Variants in CCR5AS observed in about 807,000 individuals in gnomAD.
CCR5AS encodes CCR5 antisense RNA.
chr3:46,372,934 A>C, intron 2 of CCR5AS: 1 of 1,602,840 alleles, frequency 6.2e-7, no homozygotes, highest in South Asian at 1.1e-5. Context: ...CCAATCTATG[A>C]CATCAATTAT....
chr3:46,376,474 G>T (rs893405808), intron 2 of CCR5AS, among the ~76,000 whole-genome samples: 2 of 152,122 alleles, frequency 1.3e-5, no homozygotes, highest in Non-Finnish European at 2.9e-5. Flanking sequence ...CAATTGACTT[G>T]AAAACTTTTA....
chr3:46,380,069 T>C (rs915139945), intron 2 of CCR5AS, among the ~76,000 whole-genome samples: 2 of 152,104 alleles, frequency 1.3e-5, no homozygotes, highest in Non-Finnish European at 2.9e-5. Flanking sequence ...ATTGGCACTT[T>C]CATAGGCAGA....
At chr3:46,395,592 T>G (rs567824740) in intron 1 of CCR5AS, among the ~76,000 whole-genome samples, 1 of 152,154 alleles carries the variant, frequency 6.6e-6, no homozygotes, top group East Asian at 1.9e-4. Context: ...TGTGATGCAA[T>G]CGGAATGCAG....
intron 2 of CCR5AS, among the ~76,000 whole-genome samples, chr3:46,388,359 G>T (rs1481936876): frequency 6.6e-6 from 1 of 152,172 alleles, no homozygotes; most frequent in African/African-American, 2.4e-5. Context: ...TTCTCATATA[G>T]AATGATTGGT....
At chr3:46,403,590 C>G (rs1702019987) in intron 1 of CCR5AS, among the ~76,000 whole-genome samples, 1 of 152,202 alleles carries the variant, frequency 6.6e-6, no homozygotes, top group East Asian at 1.9e-4. Flanking sequence ...CCCTCCCTCC[C>G]CAGCTGATCC....
At chr3:46,381,244 A>G (rs540642559) in intron 2 of CCR5AS, among the ~76,000 whole-genome samples, 8 of 152,246 alleles carry the variant, frequency 5.3e-5, no homozygotes, top group African/African-American at 1.9e-4. Context: ...TCAAATAAAT[A>G]TAGATTTTGC....
At chr3:46,368,103 T>G (rs1701617537) in intron 3 of CCR5AS, among the ~76,000 whole-genome samples, 3 of 151,956 alleles carry the variant, frequency 2.0e-5, no homozygotes, top group African/African-American at 7.3e-5. Context: ...CCAGAAATGG[T>G]GTGAGCAAGG....
At chr3:46,384,253 G>A (rs1022648011) in intron 2 of CCR5AS, among the ~76,000 whole-genome samples, 1 of 152,216 alleles carries the variant, frequency 6.6e-6, no homozygotes, top group Non-Finnish European at 1.5e-5. Context: ...ATACAAAGAA[G>A]CTGGCCATCC....
At chr3:46,366,677 G>T (rs1701602565) in intron 3 of CCR5AS, among the ~76,000 whole-genome samples, 1 of 152,222 alleles carries the variant, frequency 6.6e-6, no homozygotes, top group Admixed American at 6.5e-5. Context: ...GGAGACAACA[G>T]CATGGTGAGT....
At chr3:46,406,643 C>T (rs1050460084) in intron 1 of CCR5AS, among the ~76,000 whole-genome samples, 4 of 152,110 alleles carry the variant, frequency 2.6e-5, no homozygotes, top group Non-Finnish European at 4.4e-5. Flanking sequence ...TCTCCTTTTC[C>T]GAGTGGGGTC....
At chr3:46,400,943 G>A (rs1702001082) in intron 1 of CCR5AS, among the ~76,000 whole-genome samples, 1 of 152,220 alleles carries the variant, frequency 6.6e-6, no homozygotes, top group Non-Finnish European at 1.5e-5. Context: ...TGAGACAGAT[G>A]TGAGAGGGAA....
chr3:46,367,449 T>C (rs1197562350), intron 3 of CCR5AS, among the ~76,000 whole-genome samples: 1 of 152,156 alleles, frequency 6.6e-6, no homozygotes, highest in Non-Finnish European at 1.5e-5. Flanking sequence ...AAAGTCAGGA[T>C]TGAAACATCA....
At chr3:46,389,498 A>G (rs184322754) in intron 2 of CCR5AS, among the ~76,000 whole-genome samples, 1 of 152,284 alleles carries the variant, frequency 6.6e-6, no homozygotes, top group African/African-American at 2.4e-5. Flanking sequence ...CAGCCTGGCG[A>G]ATTTCCTGTC....
At chr3:46,405,319 T>C (rs11574429) in intron 1 of CCR5AS, among the ~76,000 whole-genome samples, 18,478 of 152,274 alleles carry the variant, frequency 0.12, 1,269 homozygotes, top group Non-Finnish European at 0.15. Context: ...TCTGTGTTTT[T>C]ACTTGGGAAA....
chr3:46,384,849 C>T (rs1400051113), intron 2 of CCR5AS, among the ~76,000 whole-genome samples: 1 of 148,882 alleles, frequency 6.7e-6, no homozygotes, highest in Non-Finnish European at 1.5e-5. Context: ...GGATAGGGTA[C>T]ATAGATGATA....
intron 2 of CCR5AS, chr3:46,376,306 T>A (rs1245668196): frequency 6.6e-6 from 1 of 152,530 alleles, no homozygotes; most frequent in Non-Finnish European, 1.5e-5. Flanking sequence ...CCTTAGTGTG[T>A]GTGCATGTGT....
chr3:46,374,740 A>G (rs1034564144), intron 2 of CCR5AS: 18 of 167,358 alleles, frequency 1.1e-4, no homozygotes, highest in African/African-American at 3.8e-4. Flanking sequence ...TCATGAGCTG[A>G]GCAGGGAGAT....
At chr3:46,382,527 T>G (rs952229766) in intron 2 of CCR5AS, among the ~76,000 whole-genome samples, 14 of 152,230 alleles carry the variant, frequency 9.2e-5, no homozygotes, top group Non-Finnish European at 1.5e-4. Flanking sequence ...GAACCTTGTG[T>G]ATTACCCCAT....
At chr3:46,382,071 A>G (rs1339144872) in intron 2 of CCR5AS, among the ~76,000 whole-genome samples, 1 of 152,252 alleles carries the variant, frequency 6.6e-6, no homozygotes, top group African/African-American at 2.4e-5. Context: ...CTGCAGACAT[A>G]GATAAGCAAG....
Sources: allele counts gnomAD v4.1 joint callset (sites outside exome capture counted in the v4.1 genomes callset), GRCh38; gene constraint gnomAD v4.1.1; transcripts MANE v1.5; gene names NCBI Gene and HGNC (gene_info 2026-07-23, HGNC 2026-07-21).